The following PASD1 variants were observed in gnomAD, a reference collection of about 807,000 sequenced individuals.
PASD1 encodes the protein PAS domain containing repressor 1.
PASD1 carries 13 observed loss-of-function variants against 58.8 expected under a neutral mutation model. The ratio of observed to expected loss-of-function variants is 0.22; its 90% confidence interval spans 0.14 to 0.35. The LOEUF is 0.35. Ranked by LOEUF, PASD1 falls within the 10% of genes least tolerant of loss-of-function variation. The probability of loss-of-function intolerance (pLI) is 1.00; values close to 1 mark genes in which losing one functional copy is unlikely to be tolerated. For missense variants in PASD1, 734 were observed against 568.3 expected, an observed-to-expected ratio of 1.29 and a Z score of -2.96; for synonymous variants, 236 against 216.7, an observed-to-expected ratio of 1.09 and a Z score of -0.78.
At chrX:151,669,958 A>G (rs1718437437) in intron 11 of PASD1, among the ~76,000 whole-genome samples, 1 of 111,988 alleles carries the variant, frequency 8.9e-6, no homozygotes, top group African/African-American at 3.2e-5. Flanking sequence ...TCGTTCTATA[A>G]GGAACCTCCA....
chrX:151,642,882 G>A (rs1200925491), intron 8 of PASD1, among the ~76,000 whole-genome samples: 1 of 111,415 alleles, frequency 9.0e-6, no homozygotes, highest in Non-Finnish European at 1.9e-5. Flanking sequence ...CAAGAGAGGG[G>A]AACTTGCAAT....
At chrX:151,570,346 T>C (rs1453293287) in intron 1 of PASD1, among the ~76,000 whole-genome samples, 1 of 112,446 alleles carries the variant, frequency 8.9e-6, no homozygotes, top group Non-Finnish European at 1.9e-5. Flanking sequence ...TGGAAAGAAA[T>C]ACTCTAATGT....
At chrX:151,653,337 G>C (rs144729417) in intron 9 of PASD1, among the ~76,000 whole-genome samples, 1 of 108,847 alleles carries the variant, frequency 9.2e-6, no homozygotes, top group South Asian at 4.0e-4. Context: ...GATTACAGGC[G>C]CATGCCACCA....
intron 1 of PASD1, among the ~76,000 whole-genome samples, chrX:151,586,055 T>G (rs184143804): frequency 2.7e-5 from 3 of 111,526 alleles, no homozygotes; most frequent in African/African-American, 9.8e-5. Context: ...AGCAGATTGC[T>G]TTGGGGCTTC....
Position 151,674,159 on chromosome X carries a change from C to T in PASD1, c.2148C>T (p.Thr716=). Residue 716 remains threonine (T), a synonymous_variant, in exon 15 of 16, where the codon ACC becomes ACT. Transcript: ENST00000370357. ...CTTGGTCTTGCGATGAGCAGGGCAC[C>T]CTGCACGGCCAACCCACCTACCATC... is the stretch of plus-strand genomic sequence containing the variant. ...VNTWSCDEQG[T]LHGQPTYHQV... The T allele has an allele frequency of 8.3e-7, 1 of 1,211,900 alleles. No homozygotes were observed. The highest frequency in any genetic ancestry group is 1.1e-6 in the Non-Finnish European group (1 of 895,574).
chrX:151,671,623 G>A lies in PASD1; in HGVS notation c.1281G>A (p.Ser427=), dbSNP rs1040340107. 8.3e-6 allele frequency: 10 copies of A among 1,211,555 alleles called. No homozygotes were observed. Among genetic ancestry groups the A allele is most frequent in the East Asian group, 3.0e-5 (1 of 33,829 alleles). ...TTGTCATTCCTGATCTCCAATCTTC[G>A]GAGGCAGTGCCCAAGAAACAACAGA... ...RHVVIPDLQS[S]EAVPKKQQKQ... The change falls in exon 13 of 16, where the codon TCG becomes TCA. Residue 427 remains serine, a synonymous_variant. Transcript: ENST00000370357.
chrX:151,568,710 A>G (rs2012883273), intron 1 of PASD1, among the ~76,000 whole-genome samples: 1 of 112,119 alleles, frequency 8.9e-6, no homozygotes, highest in Admixed American at 9.4e-5. Flanking sequence ...AAAGGATCCA[A>G]GAAGTGTTGA....
rs1335511446 is a variant in PASD1, at chrX:151,621,566, T to C, written c.392T>C (p.Ile131Thr). 1 of 1,201,990 alleles carries C rather than the reference T, an allele frequency of 8.3e-7. No individual in the cohort carries two copies. The highest frequency in any genetic ancestry group is 2.2e-5 in the Admixed American group (1 of 45,592). ...DSSAYENVKF[I>T]VNVRDICNEF... is the part of the protein sequence containing the mutation. ...TCTGCTTACGAAAACGTGAAATTTA[T>C]TGTGAATGTAAGAGATATTTGTAAT... The change falls in exon 6 of 16, where the codon ATT becomes ACT. Residue 131 changes from isoleucine to threonine, a missense_variant. By Grantham distance (89) the Ile-to-Thr change is moderately conservative. Transcript: ENST00000370357.
intron 7 of PASD1, 40 bp downstream of exon 7, chrX:151,623,104 G>C (rs775197317): frequency 1.7e-6 from 2 of 1,194,844 alleles, no homozygotes; most frequent in Non-Finnish European, 2.3e-6. Flanking sequence ...CTGTGGCGAT[G>C]TGGGCTTCCT....
rs758948056 is a variant in PASD1 at position 151,664,107 on chromosome X, T to G, written c.842-12T>G. On this transcript the variant is annotated splice_polypyrimidine_tract_variant and intron_variant, in intron 10 of 15. Transcript: ENST00000370357. Reference sequence around the variant, plus strand: ...TTTTAAGTCATGAACTCCCCTGTGCTTTCTTCCTCAGCCTTATCCTTGCAA... The same window carrying G: ...TTTTAAGTCATGAACTCCCCTGTGCGTTCTTCCTCAGCCTTATCCTTGCAA... The G allele has an allele frequency of 2.5e-6, 3 of 1,211,822 alleles. No individual in the cohort carries two copies. Among genetic ancestry groups the G allele is most frequent in the Non-Finnish European group, 2.2e-6 (2 of 895,393 alleles).
intron 11 of PASD1, among the ~76,000 whole-genome samples, chrX:151,669,204 G>T (rs1174665755): frequency 2.9e-5 from 3 of 103,184 alleles, no homozygotes; most frequent in Admixed American, 1.1e-4. Flanking sequence ...ACACTATATA[G>T]TATACATAGT....
intron 6 of PASD1, 146 bp downstream of exon 6, chrX:151,621,738 T>C: frequency 6.1e-6 from 2 of 326,947 alleles, no homozygotes; most frequent in Non-Finnish European, 1.0e-5. Context: ...TTACTTAGAC[T>C]TTTAAAAATT....
chrX:151,662,998 T>A (rs775169270), intron 10 of PASD1, among the ~76,000 whole-genome samples: 1 of 112,170 alleles, frequency 8.9e-6, no homozygotes, highest in East Asian at 2.8e-4. Context: ...GTAATAGAAT[T>A]AGATTCATTT....
chrX:151,659,557 G>A (rs190795637), intron 9 of PASD1, among the ~76,000 whole-genome samples, 156 bp from the exon 10 acceptor site: 222 of 112,097 alleles, frequency 2.0e-3, no homozygotes, highest in African/African-American at 6.8e-3. Flanking sequence ...TTTTTAAGGA[G>A]GTATTTGATG....
intron 11 of PASD1, among the ~76,000 whole-genome samples, chrX:151,669,176 GTA>G (rs773707851): frequency 0.2 from 20,623 of 101,224 alleles, 1,926 homozygotes; most frequent in Middle Eastern, 0.34. Context: ...ATGTGTGTGT[GTA>G]TATATATATA....
intron 11 of PASD1, among the ~76,000 whole-genome samples, chrX:151,665,892 G>A (rs1271064818): frequency 9.9e-6 from 1 of 100,686 alleles, no homozygotes; most frequent in Non-Finnish European, 2.0e-5. Flanking sequence ...GCGTGCATGT[G>A]TGTGTGTGTG....
chrX:151,657,708 C>T (rs1262636846), intron 9 of PASD1, among the ~76,000 whole-genome samples: 1 of 110,560 alleles, frequency 9.0e-6, no homozygotes, highest in Non-Finnish European at 1.9e-5. Context: ...TGGTGATATC[C>T]CCTTTATCAT....
intron 9 of PASD1, among the ~76,000 whole-genome samples, chrX:151,657,497 G>A (rs753748920): frequency 1.8e-5 from 2 of 111,122 alleles, no homozygotes; most frequent in Non-Finnish European, 3.8e-5. Context: ...CCCGGAGTTT[G>A]TTTGGTTGGT....
rs781057033 is a variant in PASD1, at chrX:151,636,922, C to T, written c.629+11392C>T. On this transcript the variant is annotated intron_variant, in intron 8 of 15. Transcript: ENST00000370357. ...CAGCCCTACCCCACCTCACCCCTAA[C>T]CCATTTCAACCACTGATCTATACTT... 2.0e-3 allele frequency among the ~76,000 whole-genome samples: 227 copies of T among 111,641 alleles called. 2 individuals are homozygous for T. The highest frequency in any genetic ancestry group is 3.8e-3 in the Non-Finnish European group (201 of 53,164).
Sources: gnomAD v4.1 joint callset for allele counts (sites outside exome capture counted in the v4.1 genomes callset) on GRCh38, gnomAD v4.1.1 for gene constraint, MANE v1.5 for transcripts, NCBI Gene and HGNC (gene_info 2026-07-23, HGNC 2026-07-21) for gene names.